RPH3A: variants seen among roughly 807,000 people sequenced by gnomAD.
RPH3A encodes rabphilin-3A.
Under a neutral mutation model 102.2 loss-of-function variants are expected in RPH3A, and 48 were observed. That is an observed-to-expected ratio of 0.47 (90% CI 0.37 to 0.60). The LOEUF is 0.60. Ranked by LOEUF, RPH3A falls within the 20% of genes least tolerant of loss-of-function variation. The pLI is 0.00. For missense variants in RPH3A, 781 were observed against 910.1 expected, an observed-to-expected ratio of 0.86 and a Z score of 1.83; for synonymous variants, 310 against 324.3, an observed-to-expected ratio of 0.96 and a Z score of 0.47.
chr12:112,806,016 AATTGT>A (rs1555211152), intron 2 of RPH3A, among the ~76,000 whole-genome samples: 1 of 152,232 alleles, frequency 6.6e-6, no homozygotes, highest in Non-Finnish European at 1.5e-5. Flanking sequence ...TTGATTCATT[AATTGT>A]ATTGTACTCA....
intron 2 of RPH3A, among the ~76,000 whole-genome samples, chr12:112,804,417 A>G (rs1406198356): frequency 6.6e-6 from 1 of 152,258 alleles, no homozygotes; most frequent in Non-Finnish European, 1.5e-5. Context: ...CAGACCACCC[A>G]ACAGTGCTTG....
chr12:112,839,075 A>G (rs780921791), intron 4 of RPH3A, among the ~76,000 whole-genome samples: 1 of 122,868 alleles, frequency 8.1e-6, no homozygotes, highest in Non-Finnish European at 1.7e-5. Flanking sequence ...GGCATCTGGG[A>G]AAATGAGCAG....
intron 1 of RPH3A, among the ~76,000 whole-genome samples, chr12:112,688,293 A>T (rs2040281879): frequency 6.6e-6 from 1 of 152,214 alleles, no homozygotes; most frequent in Non-Finnish European, 1.5e-5. Context: ...AATGTTGTGT[A>T]TAAAGGCAGG....
intron 10 of RPH3A, among the ~76,000 whole-genome samples, chr12:112,872,062 G>A (rs958619652): frequency 1.3e-5 from 2 of 152,120 alleles, no homozygotes; most frequent in Non-Finnish European, 2.9e-5. Flanking sequence ...ATACCTATAA[G>A]TGAAGTTGCT....
At chr12:112,832,569 C>A (rs930476330) in intron 3 of RPH3A, among the ~76,000 whole-genome samples, 4 of 152,118 alleles carry the variant, frequency 2.6e-5, no homozygotes, top group Admixed American at 2.0e-4. Flanking sequence ...TAGCCAGGAA[C>A]TGTGGCTCAC....
At chr12:112,857,547 A>G (rs914297683) in intron 5 of RPH3A, among the ~76,000 whole-genome samples, 3 of 152,142 alleles carry the variant, frequency 2.0e-5, no homozygotes, top group Non-Finnish European at 2.9e-5. Flanking sequence ...GAGCCAAAGA[A>G]TGCAGCTGAC....
rs543131047 is a variant in RPH3A at position 112,581,741 on chromosome 12, C to T, written c.-140+6422C>T. 2.0e-5 allele frequency among the ~76,000 whole-genome samples: 3 copies of T among 148,130 alleles called. 1 individual carries two copies. The highest frequency in any genetic ancestry group is 7.5e-5 in the African/African-American group (3 of 40,020). On this transcript the variant is annotated intron_variant, in intron 1 of 21. Transcript: ENST00000543106. ...GTAATATTTCTGTTTAGTTTTCCTT[C>T]CCTCTATACCATGCCTTGGTTAGTA...
Position 112,883,155 on chromosome 12 carries a change from G to C in RPH3A, c.1327-138G>C. Reference sequence around the variant, plus strand: ...GACATCCCCCACTCCCTGAGAACATGCATTTGGGAATAACTAAGCCCCTGG... The same window carrying C: ...GACATCCCCCACTCCCTGAGAACATCCATTTGGGAATAACTAAGCCCCTGG... On this transcript the variant is annotated intron_variant, in intron 15 of 21. Transcript: ENST00000389385. The C allele has an allele frequency of 7.8e-6, 5 of 638,852 alleles. No homozygotes were observed. The South Asian group carries it at 9.1e-5, about 12-fold the overall frequency. 39.6% of individuals were successfully genotyped at this position (638,852 alleles called of 1,614,324 possible).
chr12:112,775,601 T>C (rs999705504), intron 1 of RPH3A, among the ~76,000 whole-genome samples: 2 of 152,126 alleles, frequency 1.3e-5, no homozygotes, highest in African/African-American at 4.8e-5. Flanking sequence ...GAAAAGAATA[T>C]AACTTCTAAA....
At chr12:112,850,819 G>A (rs1325370135) in intron 5 of RPH3A, 1 of 152,180 alleles carries the variant, frequency 6.6e-6, no homozygotes, top group East Asian at 1.9e-4. Flanking sequence ...CTCAGTTAGT[G>A]AGCTCTTGGG....
intron 5 of RPH3A, among the ~76,000 whole-genome samples, chr12:112,864,727 C>T (rs1461197560): frequency 1.3e-5 from 2 of 152,196 alleles, no homozygotes; most frequent in African/African-American, 4.8e-5. Context: ...AATCATTTAG[C>T]TTCCAGGACA....
At position 112,690,803 on chromosome 12, in the gene RPH3A, G is replaced by A. The variant is rs79562411; in HGVS notation, c.-139-101340G>A. 7.0e-3 allele frequency among the ~76,000 whole-genome samples: 1,068 copies of A among 152,220 alleles called. 16 individuals carry two copies. Among genetic ancestry groups the A allele is most frequent in the African/African-American group, 0.025 (1,021 of 41,528 alleles). On this transcript the variant is annotated intron_variant, in intron 1 of 21. Coordinates refer to the RPH3A transcript ENST00000543106. ...TACAAATATTTCTTTTTACAAGATG[G>A]GATCACATTATGTTTATTGCATGCA...
At chr12:112,894,769 C>A in intron 20 of RPH3A, 110 bp downstream of exon 20, 4 of 856,202 alleles carry the variant, frequency 4.7e-6, no homozygotes, top group Non-Finnish European at 7.2e-6. Context: ...TTAAATGCAG[C>A]CATTTGAAAT....
At chr12:112,743,266 A>G (rs867254912) in intron 1 of RPH3A, among the ~76,000 whole-genome samples, 2 of 152,346 alleles carry the variant, frequency 1.3e-5, no homozygotes, top group South Asian at 2.1e-4. Flanking sequence ...TGCCTACCGC[A>G]GCGTGGAACA....
intron 2 of RPH3A, among the ~76,000 whole-genome samples, chr12:112,810,717 T>C (rs2041556867): frequency 6.6e-6 from 1 of 152,166 alleles, no homozygotes; most frequent in South Asian, 2.1e-4. Context: ...GCTATTTGCA[T>C]CAACTATCCC....
rs111424434 is a variant in RPH3A at position 112,807,124 on chromosome 12, TC to T, written c.-19+14862del. On this transcript the variant is annotated intron_variant, in intron 2 of 21. Coordinates refer to ENST00000389385, the MANE Select transcript of RPH3A (RefSeq NM_001143854.2). ...TGCAGGACCATGCAATCAAGACAAA[TC>T]AAGCAATTTGTCTTGATTCTGAGAG... is the stretch of plus-strand genomic sequence containing the variant. Among the ~76,000 whole-genome samples the T allele has an allele frequency of 1.1e-4, 17 of 151,822 alleles. 1 individual carries two copies. Among genetic ancestry groups the T allele is most frequent in the African/African-American group, 3.9e-4 (16 of 41,378 alleles).
At chr12:112,710,330 C>A (rs1400280427) in intron 1 of RPH3A, among the ~76,000 whole-genome samples, 1 of 152,124 alleles carries the variant, frequency 6.6e-6, no homozygotes, top group Non-Finnish European at 1.5e-5. Context: ...TCCCAGAACC[C>A]CGTTCTTCCT....
chr12:112,760,432 T>C (rs2040847596), intron 1 of RPH3A, among the ~76,000 whole-genome samples: 1 of 152,226 alleles, frequency 6.6e-6, no homozygotes, highest in Admixed American at 6.5e-5. Flanking sequence ...AAATTAAGTA[T>C]GTGTTCAGCA....
intron 1 of RPH3A, among the ~76,000 whole-genome samples, chr12:112,766,860 C>A (rs1592987663): frequency 6.6e-6 from 1 of 152,144 alleles, no homozygotes; most frequent in Non-Finnish European, 1.5e-5. Context: ...AAATTCAAAC[C>A]CCCAGCAGCA....
Sources: allele counts gnomAD v4.1 joint callset (sites outside exome capture counted in the v4.1 genomes callset), GRCh38; gene constraint gnomAD v4.1.1; transcripts MANE v1.5; gene names NCBI Gene and HGNC (gene_info 2026-07-23, HGNC 2026-07-21).